KLHL32: variants seen among roughly 807,000 people sequenced by gnomAD.
The protein encoded by KLHL32 is kelch-like protein 32.
In KLHL32, 35 loss-of-function variants were observed where a neutral mutation model predicts 64.8. The observed-to-expected ratio is 0.54, with a 90% CI of 0.41 to 0.72. KLHL32 has a LOEUF of 0.72. Among genes scored for constraint, KLHL32 ranks in the 30% least tolerant of loss-of-function variants. The pLI, the probability that KLHL32 is intolerant of heterozygous loss-of-function variation, is 0.00. For synonymous variants in KLHL32, 259 were observed against 281.0 expected (o/e 0.92, Z 0.78); for missense variants, 589 against 768.5 (o/e 0.77, Z 2.76).
intron 8 of KLHL32, among the ~76,000 whole-genome samples, chr6:97,128,630 A>AT (rs1170430958): frequency 1.3e-5 from 2 of 152,208 alleles, no homozygotes; most frequent in Non-Finnish European, 2.9e-5. Flanking sequence ...TGGAGAGTCG[A>AT]TAATGCCTGC....
chr6:97,017,432 T>G (rs1781369981), intron 3 of KLHL32, among the ~76,000 whole-genome samples: 1 of 152,236 alleles, frequency 6.6e-6, no homozygotes, highest in Non-Finnish European at 1.5e-5. Flanking sequence ...GTTTGAGGTT[T>G]GCTGGTAGCA....
chr6:97,069,860 A>G (rs1247940760), intron 5 of KLHL32, among the ~76,000 whole-genome samples: 3 of 152,124 alleles, frequency 2.0e-5, no homozygotes, highest in Non-Finnish European at 4.4e-5. Flanking sequence ...CATATTTTAC[A>G]GTATTATAAT....
chr6:97,085,426 A>G (rs1363198552), intron 6 of KLHL32, 85 bp downstream of exon 6: 5 of 1,170,220 alleles, frequency 4.3e-6, no homozygotes, highest in South Asian at 1.3e-5. Flanking sequence ...AATTACCACT[A>G]TTTTAGTGGC....
chr6:96,948,167 C>A (rs537836517), intron 1 of KLHL32, among the ~76,000 whole-genome samples: 1 of 152,088 alleles, frequency 6.6e-6, no homozygotes, highest in Non-Finnish European at 1.5e-5. Flanking sequence ...CTAGCTATTC[C>A]GTGTTACTAA....
chr6:96,974,006 G>A (rs1775424871), intron 2 of KLHL32, among the ~76,000 whole-genome samples: 1 of 152,066 alleles, frequency 6.6e-6, no homozygotes, highest in South Asian at 2.1e-4. Flanking sequence ...ACAGGCATGA[G>A]CCACCGTACC....
intron 5 of KLHL32, among the ~76,000 whole-genome samples, chr6:97,076,650 G>A (rs1791630412): frequency 6.6e-6 from 1 of 152,086 alleles, no homozygotes; most frequent in Admixed American, 6.6e-5. Flanking sequence ...TGCACAATTA[G>A]GTGTACTTAT....
At chr6:97,098,011 C>G (rs1795216628) in intron 6 of KLHL32, among the ~76,000 whole-genome samples, 1 of 152,148 alleles carries the variant, frequency 6.6e-6, no homozygotes, top group Non-Finnish European at 1.5e-5. Flanking sequence ...TCTTGGCAAA[C>G]ATAGGGGAGG....
intron 7 of KLHL32, among the ~76,000 whole-genome samples, chr6:97,124,941 A>G (rs536844975): frequency 1.3e-5 from 2 of 152,302 alleles, no homozygotes; most frequent in Non-Finnish European, 2.9e-5. Flanking sequence ...ATTTTGACAC[A>G]CATCTTGACT....
rs529533060 is a variant in KLHL32, at chr6:96,989,466, C to G, written c.204+13289C>G. 2.6e-5 allele frequency among the ~76,000 whole-genome samples: 4 copies of G among 152,288 alleles called. No individual in the cohort carries two copies. The East Asian group carries it at 7.7e-4, about 29-fold the overall frequency. Reference sequence around the variant, plus strand: ...TGTAGGGTTTCTTTTGAAAGGCATGCTGTTAGCTTGATGGGTTTCTGTTTG... The same window carrying G: ...TGTAGGGTTTCTTTTGAAAGGCATGGTGTTAGCTTGATGGGTTTCTGTTTG... On this transcript the variant is annotated intron_variant, in intron 3 of 10. Transcript: ENST00000369261.
chr6:96,941,104 T>A (rs1473790479), intron 1 of KLHL32, among the ~76,000 whole-genome samples: 1 of 152,242 alleles, frequency 6.6e-6, no homozygotes, highest in Non-Finnish European at 1.5e-5. Flanking sequence ...TCCTTTGTAC[T>A]TTTGTAAATA....
intron 9 of KLHL32, among the ~76,000 whole-genome samples, chr6:97,131,349 T>C (rs563671317): frequency 3.3e-5 from 5 of 152,288 alleles, no homozygotes; most frequent in Admixed American, 2.6e-4. Context: ...TTCAGGAGTT[T>C]AGGAGCATGG....
chr6:96,929,633 A>G (rs1377836922), intron 1 of KLHL32, among the ~76,000 whole-genome samples: 1 of 152,174 alleles, frequency 6.6e-6, no homozygotes, highest in East Asian at 1.9e-4. Context: ...TCTTTACCTA[A>G]GAGGAGCTGA....
the KLHL32 span, among the ~76,000 whole-genome samples, chr6:96,907,038 A>C: frequency 1.3e-5 from 2 of 152,224 alleles, no homozygotes; most frequent in Admixed American, 1.3e-4. Context: ...GTACCTAGCT[A>C]GCTGCATTTT....
the KLHL32 span, among the ~76,000 whole-genome samples, chr6:96,918,319 A>G: frequency 9.9e-5 from 15 of 152,226 alleles, no homozygotes; most frequent in African/African-American, 3.6e-4. Context: ...TTAATCAGAC[A>G]GACTAAAGCT....
At chr6:96,992,294 A>G (rs1320761836) in intron 3 of KLHL32, among the ~76,000 whole-genome samples, 1 of 152,050 alleles carries the variant, frequency 6.6e-6, no homozygotes, top group African/African-American at 2.4e-5. Flanking sequence ...TCACTGACTC[A>G]CTCACCGTTT....
intron 4 of KLHL32, among the ~76,000 whole-genome samples, chr6:97,061,776 A>G (rs72930965): frequency 6.4e-4 from 98 of 152,246 alleles, no homozygotes; most frequent in Middle Eastern, 6.8e-3. Context: ...GAGGCAGGTG[A>G]CAGATAAATT....
chr6:96,931,748 T>A (rs1769917744), intron 1 of KLHL32, among the ~76,000 whole-genome samples: 1 of 152,186 alleles, frequency 6.6e-6, no homozygotes, highest in Admixed American at 6.5e-5. Context: ...TGGTAAAAAA[T>A]GTTTTGTAAT....
At chr6:96,922,649 T>G (rs1246618117), upstream of KLHL32, among the ~76,000 whole-genome samples, 1 of 152,172 alleles carries the variant, frequency 6.6e-6, no homozygotes, top group Non-Finnish European at 1.5e-5. Context: ...GCTGAACAAA[T>G]AATAAGTATT....
chr6:96,930,530 T>C (rs1238075546), intron 1 of KLHL32, among the ~76,000 whole-genome samples: 1 of 152,174 alleles, frequency 6.6e-6, no homozygotes, highest in African/African-American at 2.4e-5. Context: ...TAATAAAATC[T>C]CAGTACTTAT....
Sources: allele counts gnomAD v4.1 joint callset (sites outside exome capture counted in the v4.1 genomes callset), GRCh38; gene constraint gnomAD v4.1.1; transcripts MANE v1.5; gene names NCBI Gene and HGNC (gene_info 2026-07-23, HGNC 2026-07-21).